Variants in PDE11A observed in about 807,000 individuals in gnomAD.
PDE11A encodes dual 3',5'-cyclic-AMP and -GMP phosphodiesterase 11A.
Under a neutral mutation model 100.5 loss-of-function variants are expected in PDE11A, and 100 were observed. That is an observed-to-expected ratio of 1.00 (90% CI 0.85 to 1.18). The LOEUF is 1.18. Among genes scored for constraint, PDE11A ranks in the 50% most tolerant of loss-of-function variants. The pLI, the probability that PDE11A is intolerant of heterozygous loss-of-function variation, is 0.00. For synonymous variants in PDE11A, 381 were observed against 420.8 expected (o/e 0.91, Z 1.16); for missense variants, 1,141 against 1,152.6 (o/e 0.99, Z 0.15).
At chr2:178,048,934 AAC>A (rs774136678) in intron 1 of PDE11A, among the ~76,000 whole-genome samples, 16 of 152,096 alleles carry the variant, frequency 1.1e-4, no homozygotes, top group Non-Finnish European at 2.2e-4. Context: ...GTGGGAGAGG[AAC>A]ACAGAGTCCT....
At chr2:178,040,441 T>C (rs1238699369) in intron 1 of PDE11A, among the ~76,000 whole-genome samples, 1 of 152,198 alleles carries the variant, frequency 6.6e-6, no homozygotes, top group Non-Finnish European at 1.5e-5. Flanking sequence ...TATTCTTCCA[T>C]TTGAATATAT....
chr2:177,943,162 G>A (rs1334421766), intron 2 of PDE11A, among the ~76,000 whole-genome samples: 1 of 152,176 alleles, frequency 6.6e-6, no homozygotes, highest in Non-Finnish European at 1.5e-5. Context: ...TGGCTATTGT[G>A]AATAATGCTG....
chr2:178,069,385 C>A (rs1170115657), intron 1 of PDE11A, among the ~76,000 whole-genome samples: 1 of 151,958 alleles, frequency 6.6e-6, no homozygotes, highest in Admixed American at 6.6e-5. Flanking sequence ...ATGAAGAAAA[C>A]TACACCAAGT....
At chr2:177,856,728 G>A (rs552332617) in intron 5 of PDE11A, among the ~76,000 whole-genome samples, 7 of 152,098 alleles carry the variant, frequency 4.6e-5, no homozygotes, top group African/African-American at 1.7e-4. Context: ...TTGAAGATAG[G>A]TCAATTCAAA....
In PDE11A at chr2:177,820,245, A is replaced by C. The variant is rs1353665367; in HGVS notation, c.1551T>G (p.Ile517Met). 4.4e-6 allele frequency: 7 copies of C among 1,585,388 alleles called. No individual in the cohort carries two copies. The African/African-American group carries it at 8.1e-5, about 18-fold the overall frequency. The change falls in exon 7 of 20, where the codon ATT becomes ATG. Residue 517 changes from isoleucine (I) to methionine (M), a missense_variant. Physicochemically the swap from Ile to Met is conservative, Grantham distance 10. Coordinates refer to ENST00000286063, the MANE Select transcript of PDE11A (RefSeq NM_016953.4). ...FHIRSVLCVP[I>M]WNSNHQIIGV... ...CAATTATTTGGTGGTTGCTATTCCA[A>C]ATAGGGACACAAAGAACAGATCTTA...
intron 1 of PDE11A, among the ~76,000 whole-genome samples, chr2:178,023,169 G>A (rs1339034730): frequency 5.9e-5 from 9 of 152,166 alleles, no homozygotes; most frequent in Admixed American, 3.9e-4. Flanking sequence ...AAGTTTCTGA[G>A]TTGAATGTGG....
At chr2:177,713,113 A>G (rs145644750) in intron 12 of PDE11A, among the ~76,000 whole-genome samples, 2,494 of 152,056 alleles carry the variant, frequency 0.016, 70 homozygotes, top group African/African-American at 0.057. Flanking sequence ...GGTTCAAGTG[A>G]TTCTCCTGCC....
At chr2:177,792,104 T>A (rs1280720126) in intron 9 of PDE11A, among the ~76,000 whole-genome samples, 1 of 152,210 alleles carries the variant, frequency 6.6e-6, no homozygotes, top group African/African-American at 2.4e-5. Flanking sequence ...AAATTAGTGT[T>A]CCATTCCCAC....
chr2:177,801,830 G>C (rs987632567), intron 9 of PDE11A, among the ~76,000 whole-genome samples: 1 of 151,970 alleles, frequency 6.6e-6, no homozygotes, highest in East Asian at 1.9e-4. Flanking sequence ...ATAGCAATAA[G>C]CTTTAAATTA....
intron 2 of PDE11A, among the ~76,000 whole-genome samples, chr2:177,979,156 AC>A (rs2085846965): frequency 6.7e-6 from 1 of 149,914 alleles, no homozygotes; most frequent in African/African-American, 2.4e-5. Context: ...CCTTTCCCCA[AC>A]CCCTTTGGAT....
rs1219264186 is a variant in PDE11A at position 177,628,830 on chromosome 2, T to C, written c.*577A>G. 1 of 156,648 alleles carries C rather than the reference T, an allele frequency of 6.4e-6. No individual in the cohort carries two copies. Among genetic ancestry groups the C allele is most frequent in the Non-Finnish European group, 1.4e-5 (1 of 70,720 alleles). 9.7% of individuals were successfully genotyped at this position (156,648 alleles called of 1,614,324 possible). On this transcript the variant is annotated 3_prime_UTR_variant, in exon 20 of 20. Transcript: ENST00000286063. ...TCATTTTTAGGGGGAGAACTGGGAT[T>C]GATCAGTATTTATAAGGATAGTATA...
intron 4 of PDE11A, among the ~76,000 whole-genome samples, chr2:177,895,895 T>C (rs1009180823): frequency 6.6e-6 from 1 of 152,176 alleles, no homozygotes; most frequent in East Asian, 1.9e-4. Flanking sequence ...CATCACACTG[T>C]ATACCAGAAA....
chr2:177,915,054 G>T (rs1204936858), intron 2 of PDE11A, among the ~76,000 whole-genome samples: 1 of 151,844 alleles, frequency 6.6e-6, no homozygotes, highest in Non-Finnish European at 1.5e-5. Context: ...TTTTTTTAGG[G>T]CAGTTTTAGG....
intron 2 of PDE11A, among the ~76,000 whole-genome samples, chr2:177,906,124 G>A (rs1334449205): frequency 6.6e-6 from 1 of 152,130 alleles, no homozygotes; most frequent in Admixed American, 6.6e-5. Context: ...AGGGAAAAAA[G>A]CATGTTTATA....
intron 9 of PDE11A, among the ~76,000 whole-genome samples, chr2:177,790,140 A>G (rs1287305740): frequency 6.6e-6 from 1 of 151,072 alleles, no homozygotes; most frequent in Non-Finnish European, 1.5e-5. Context: ...TTCAAACTAT[A>G]CTACAAGGCT....
chr2:178,070,923 G>C (rs1168041368), intron 1 of PDE11A, among the ~76,000 whole-genome samples: 5 of 152,080 alleles, frequency 3.3e-5, no homozygotes, highest in Admixed American at 2.0e-4. Context: ...AAACAGTTAC[G>C]ATACTAAGAA....
intron 9 of PDE11A, among the ~76,000 whole-genome samples, chr2:177,770,225 A>T (rs188068339): frequency 1.3e-5 from 2 of 152,316 alleles, no homozygotes; most frequent in East Asian, 3.9e-4. Flanking sequence ...TGTGTCTTCA[A>T]CAGCAATCAC....
rs1272229917 is a variant in PDE11A, at chr2:177,728,014, C to T, written c.1935+12G>A. Reference sequence around the variant, plus strand: ...GGTGAACTGCTTGGATCACCCAAGACAGACATCTTACCTCATAGTCAATTT... The same window carrying T: ...GGTGAACTGCTTGGATCACCCAAGATAGACATCTTACCTCATAGTCAATTT... On this transcript the variant is annotated intron_variant, in intron 11 of 19. Transcript: ENST00000286063. The T allele has an allele frequency of 1.2e-6, 2 of 1,611,540 alleles. No homozygotes were observed. The highest frequency in any genetic ancestry group is 1.3e-5 in the African/African-American group (1 of 74,850).
intron 2 of PDE11A, among the ~76,000 whole-genome samples, chr2:177,913,895 T>C (rs974712144): frequency 6.6e-6 from 1 of 152,116 alleles, no homozygotes; most frequent in Non-Finnish European, 1.5e-5. Flanking sequence ...TTCCTAAAAG[T>C]GGAATTTTAA....
Sources: allele counts gnomAD v4.1 joint callset (sites outside exome capture counted in the v4.1 genomes callset), GRCh38; gene constraint gnomAD v4.1.1; transcripts MANE v1.5; gene names NCBI Gene and HGNC (gene_info 2026-07-23, HGNC 2026-07-21).